ARAP2: variants seen among roughly 807,000 people sequenced by gnomAD.
The protein encoded by ARAP2 is arf-GAP with Rho-GAP domain, ANK repeat and PH domain-containing protein 2.
Under a neutral mutation model 194.5 loss-of-function variants are expected in ARAP2, and 148 were observed. The observed-to-expected ratio is 0.76, with a 90% CI of 0.67 to 0.87. The LOEUF (loss-of-function observed/expected upper bound fraction) is 0.87. ARAP2 is among the 40% of genes least tolerant of loss of function. The probability of loss-of-function intolerance (pLI) is 0.00; values close to 1 mark genes in which losing one functional copy is unlikely to be tolerated. For synonymous variants in ARAP2, 695 were observed against 683.5 expected (o/e 1.02, Z -0.26); for missense variants, 2,128 against 1,989.7 (o/e 1.07, Z -1.32).
Position 36,200,241 on chromosome 4 carries a change from T to A in ARAP2, c.1488-6594A>T, listed in dbSNP as rs999114151. Among the ~76,000 whole-genome samples, 156 of 151,950 alleles carry A rather than the reference T, an allele frequency of 1.0e-3. 1 individual carries two copies. The highest frequency in any genetic ancestry group is 3.7e-3 in the African/African-American group (152 of 41,346). On this transcript the variant is annotated intron_variant, in intron 6 of 32. Transcript: ENST00000303965. Reference sequence around the variant, plus strand: ...CTTTTCTCAGCACTATTCCCTTTTTTTATTTTTGTTTATTTATTTATTTTT... The same window carrying A: ...CTTTTCTCAGCACTATTCCCTTTTTATATTTTTGTTTATTTATTTATTTTT...
chr4:36,144,932 T>C (rs1396444903), intron 19 of ARAP2, among the ~76,000 whole-genome samples: 1 of 150,146 alleles, frequency 6.7e-6, no homozygotes, highest in Non-Finnish European at 1.5e-5. Flanking sequence ...GAATAGTAAA[T>C]ATGTTTTCCC....
At chr4:36,038,256 T>C (rs1438905081) in intron 5 of ARAP2, among the ~76,000 whole-genome samples, 1 of 152,202 alleles carries the variant, frequency 6.6e-6, no homozygotes, top group Non-Finnish European at 1.5e-5. Context: ...TATGCATTTA[T>C]GCCAAATATT....
At chr4:36,150,013 T>C (rs1398310391) in intron 16 of ARAP2, among the ~76,000 whole-genome samples, 1 of 152,180 alleles carries the variant, frequency 6.6e-6, no homozygotes, top group African/African-American at 2.4e-5. Flanking sequence ...ACCAAAGATC[T>C]TAGATGGCCT....
At chr4:36,061,530 G>A (rs575694052), downstream of ARAP2, among the ~76,000 whole-genome samples, 6 of 152,224 alleles carry the variant, frequency 3.9e-5, no homozygotes, top group African/African-American at 7.2e-5. Flanking sequence ...TGAATCGCAC[G>A]CCATTGTGTA....
At chr4:36,201,966 T>G (rs952631036) in intron 6 of ARAP2, among the ~76,000 whole-genome samples, 2 of 152,214 alleles carry the variant, frequency 1.3e-5, no homozygotes, top group Non-Finnish European at 2.9e-5. Flanking sequence ...TTTATGGCTT[T>G]TATTAATCCT....
At chr4:36,145,895 C>A (rs896052336) in intron 19 of ARAP2, among the ~76,000 whole-genome samples, 2 of 151,814 alleles carry the variant, frequency 1.3e-5, no homozygotes, top group African/African-American at 4.8e-5. Context: ...AGTGGTGACT[C>A]CCAAATTTAT....
chr4:36,131,302 C>T (rs1237842724), intron 20 of ARAP2, among the ~76,000 whole-genome samples: 3 of 150,630 alleles, frequency 2.0e-5, no homozygotes, highest in African/African-American at 7.3e-5. Flanking sequence ...TATGTATATA[C>T]TTTCAGTAGA....
chr4:36,111,011 G>T (rs1353703512), intron 26 of ARAP2, among the ~76,000 whole-genome samples: 1 of 151,650 alleles, frequency 6.6e-6, no homozygotes, highest in East Asian at 1.9e-4. Flanking sequence ...AGTACAATAG[G>T]TTATCTCAGG....
chr4:36,214,306 G>A (rs1272226525), intron 3 of ARAP2, 116 bp downstream of exon 3: 7 of 673,372 alleles, frequency 1.0e-5, no homozygotes, highest in Middle Eastern at 2.6e-4. Context: ...CTGGCAGACA[G>A]TTATTTCCAT....
chr4:36,229,166 G>A lies in ARAP2; in HGVS notation c.321C>T (p.Ser107=). The A allele has an allele frequency of 6.2e-7, 1 of 1,614,072 alleles. No homozygotes were observed. The highest frequency in any genetic ancestry group is 2.2e-5 in the East Asian group (1 of 44,876). Residue 107 remains serine (S), a synonymous_variant, in exon 2 of 33, where the codon TCC becomes TCT. Transcript: ENST00000303965. ...TAGATGTCTGAACACTACCAGAATT[G>A]GAAAGTTCTATGCAGATATTCTGAT... is the stretch of plus-strand genomic sequence containing the variant. ...SSDQNICIEL[S]NSGSVQTSSP...
chr4:36,082,246 CT>C lies in ARAP2; in HGVS notation c.4544+4del. 1 of 1,610,536 alleles carries C rather than the reference CT, an allele frequency of 6.2e-7. No homozygotes were observed. The highest frequency in any genetic ancestry group is 8.5e-7 in the Non-Finnish European group (1 of 1,178,448). ...ATGTCCAAAAGTTGTCAGCTGTTAA[CT>C]TACCAGTGATGTTTCTCAGAATATG... is the stretch of plus-strand genomic sequence containing the variant. On this transcript the variant is annotated splice_donor_region_variant and intron_variant, in intron 30 of 32. Transcript: ENST00000303965.
At chr4:36,172,349 G>A (rs1027607557) in intron 9 of ARAP2, among the ~76,000 whole-genome samples, 2 of 152,118 alleles carry the variant, frequency 1.3e-5, no homozygotes, top group African/African-American at 4.8e-5. Context: ...AAATAGTCAG[G>A]TCTACCTTAC....
At chr4:36,139,065 T>C (rs926512053) in intron 19 of ARAP2, among the ~76,000 whole-genome samples, 1 of 151,216 alleles carries the variant, frequency 6.6e-6, no homozygotes, top group Non-Finnish European at 1.5e-5. Context: ...GAGTGCTTTA[T>C]CAGACACGTG....
intron 8 of ARAP2, among the ~76,000 whole-genome samples, chr4:36,184,965 C>A (rs1266811541): frequency 6.6e-6 from 1 of 152,162 alleles, no homozygotes; most frequent in Non-Finnish European, 1.5e-5. Flanking sequence ...CAATAATTCA[C>A]AAAAAGTGGC....
chr4:36,211,305 A>G (rs1478148023), intron 5 of ARAP2, among the ~76,000 whole-genome samples: 2 of 152,192 alleles, frequency 1.3e-5, no homozygotes, highest in African/African-American at 4.8e-5. Context: ...GCTAGCTAGA[A>G]AGCAAGAAAG....
intron 19 of ARAP2, among the ~76,000 whole-genome samples, chr4:36,144,766 A>C (rs1729225440): frequency 6.6e-6 from 1 of 151,872 alleles, no homozygotes; most frequent in African/African-American, 2.4e-5. Flanking sequence ...AACATTGAAC[A>C]AGATAAGATT....
intron 31 of ARAP2, among the ~76,000 whole-genome samples, chr4:36,074,830 T>A (rs1577753872): frequency 6.6e-6 from 1 of 152,236 alleles, no homozygotes; most frequent in South Asian, 2.1e-4. Context: ...ATATTTACTG[T>A]CTACCTACCA....
At chr4:36,185,789 A>C (rs1740400493) in intron 8 of ARAP2, among the ~76,000 whole-genome samples, 1 of 151,546 alleles carries the variant, frequency 6.6e-6, no homozygotes, top group Admixed American at 6.6e-5. Context: ...CAACCTGACC[A>C]ACATGGTGAA....
intron 2 of ARAP2, among the ~76,000 whole-genome samples, chr4:36,225,270 C>G (rs1346442813): frequency 6.6e-6 from 1 of 152,138 alleles, no homozygotes; most frequent in Non-Finnish European, 1.5e-5. Flanking sequence ...AGACCTATCC[C>G]AAGGATAATA....
Sources: gnomAD v4.1 joint callset for allele counts (sites outside exome capture counted in the v4.1 genomes callset) on GRCh38, gnomAD v4.1.1 for gene constraint, MANE v1.5 for transcripts, NCBI Gene and HGNC (gene_info 2026-07-23, HGNC 2026-07-21) for gene names.